PREP: variants seen among roughly 807,000 people sequenced by gnomAD.
PREP encodes prolyl endopeptidase.
PREP carries 29 observed loss-of-function variants against 87.6 expected under a neutral mutation model. That is an observed-to-expected ratio of 0.33 (90% CI 0.25 to 0.45). The LOEUF (loss-of-function observed/expected upper bound fraction) is 0.45. Ranked by LOEUF, PREP falls within the 20% of genes least tolerant of loss-of-function variation. PREP has a pLI of 1.00. For missense variants in PREP, 695 were observed against 886.5 expected (o/e 0.78, Z 2.74); for synonymous variants, 337 against 328.6 (o/e 1.03, Z -0.28).
At chr6:105,356,013 G>T (rs959848006) in intron 6 of PREP, among the ~76,000 whole-genome samples, 1 of 151,952 alleles carries the variant, frequency 6.6e-6, no homozygotes, top group African/African-American at 2.4e-5. Flanking sequence ...GTCCTTATAT[G>T]TTAATTCTAC....
At chr6:105,395,158 A>C (rs890960117) in intron 2 of PREP, among the ~76,000 whole-genome samples, 1 of 152,184 alleles carries the variant, frequency 6.6e-6, no homozygotes, top group African/African-American at 2.4e-5. Context: ...AATTATTACA[A>C]TTTAAAAAAT....
In PREP at chr6:105,274,502, A is replaced by G. The variant is rs1583029205; in HGVS notation, c.*3642T>C. 1.3e-5 allele frequency among the ~76,000 whole-genome samples: 2 copies of G among 152,204 alleles called. No individual in the cohort carries two copies. The highest frequency in any genetic ancestry group is 2.9e-5 in the Non-Finnish European group (2 of 68,032). On this transcript the variant is annotated 3_prime_UTR_variant, in exon 15 of 15. Transcript: ENST00000652536. ...CTGTTTCGGCTGGGCATGGTGGCTC[A>G]TGCCTGTAATCCCAGCATTTTGGGA...
chr6:105,387,368 G>A (rs1223765913), intron 2 of PREP, among the ~76,000 whole-genome samples: 4 of 152,180 alleles, frequency 2.6e-5, no homozygotes, highest in African/African-American at 7.2e-5. Flanking sequence ...CCAAAGCTGA[G>A]TAACTGCTTA....
At chr6:105,323,540 G>T (rs1321095435) in intron 10 of PREP, 125 bp downstream of exon 10, 12 of 860,692 alleles carry the variant, frequency 1.4e-5, no homozygotes, top group Non-Finnish European at 2.1e-5. Flanking sequence ...CGTCAACCGT[G>T]GGGGCTACAA....
At chr6:105,334,133 G>C (rs1771417388) in intron 7 of PREP, among the ~76,000 whole-genome samples, 1 of 152,204 alleles carries the variant, frequency 6.6e-6, no homozygotes, top group South Asian at 2.1e-4. Flanking sequence ...GATTTTCTCA[G>C]TATGGCAGCC....
intron 10 of PREP, among the ~76,000 whole-genome samples, chr6:105,299,238 G>C (rs1160527936): frequency 6.6e-6 from 1 of 152,222 alleles, no homozygotes; most frequent in African/African-American, 2.4e-5. Context: ...TGTCACTCCA[G>C]GCTGTCATCC....
At chr6:105,331,033 G>A (rs538750075) in intron 8 of PREP, among the ~76,000 whole-genome samples, 21 of 152,164 alleles carry the variant, frequency 1.4e-4, no homozygotes, top group Non-Finnish European at 2.9e-4. Context: ...TATTAACTAT[G>A]AGCACATCAG....
At chr6:105,324,186 GAC>G (rs1213351911) in intron 9 of PREP, among the ~76,000 whole-genome samples, 1 of 152,164 alleles carries the variant, frequency 6.6e-6, no homozygotes, top group East Asian at 1.9e-4. Flanking sequence ...GGAGGTGACT[GAC>G]AAAAAACTCA....
At chr6:105,369,801 G>A (rs894500518) in intron 5 of PREP, among the ~76,000 whole-genome samples, 12 of 151,768 alleles carry the variant, frequency 7.9e-5, no homozygotes, top group African/African-American at 2.9e-4. Context: ...AAAGAACTCA[G>A]CAATAAGAAA....
At chr6:105,362,880 C>G (rs1314107465) in intron 6 of PREP, among the ~76,000 whole-genome samples, 1 of 152,102 alleles carries the variant, frequency 6.6e-6, no homozygotes, top group Admixed American at 6.5e-5. Context: ...AGGCAGGGAC[C>G]CCCCACCAGG....
intron 7 of PREP, among the ~76,000 whole-genome samples, chr6:105,352,019 G>A (rs537489112): frequency 9.9e-5 from 15 of 152,254 alleles, no homozygotes; most frequent in South Asian, 2.1e-4. Context: ...AAAATGGCGC[G>A]ATGCTCAATC....
In PREP at chr6:105,399,069, T is replaced by C. The variant is rs577947576; in HGVS notation, c.46-1142A>G. Among the ~76,000 whole-genome samples, 223 of 151,890 alleles carry C rather than the reference T, an allele frequency of 1.5e-3. 1 individual carries two copies. Among genetic ancestry groups the C allele is most frequent in the African/African-American group, 5.1e-3 (210 of 41,416 alleles). On this transcript the variant is annotated intron_variant, in intron 1 of 14. Transcript: ENST00000652536. ...TTGCAGTGAGCTGAGACAACGCCTA[T>C]TGCACTCCAGCCCGGGCAACAGAGC...
At chr6:105,377,269 A>T in intron 3 of PREP, 117 bp downstream of exon 3, 1 of 1,189,950 alleles carries the variant, frequency 8.4e-7, no homozygotes, top group African/African-American at 1.5e-5. Context: ...CATAGAAATT[A>T]ATTCCTTATA....
chr6:105,288,512 T>C (rs1770234878), intron 11 of PREP, among the ~76,000 whole-genome samples: 1 of 152,098 alleles, frequency 6.6e-6, no homozygotes, highest in African/African-American at 2.4e-5. Flanking sequence ...CGCCACCACG[T>C]CCAGCTAATA....
chr6:105,390,152 G>A (rs1339179736), intron 2 of PREP, among the ~76,000 whole-genome samples: 1 of 152,104 alleles, frequency 6.6e-6, no homozygotes, highest in African/African-American at 2.4e-5. Context: ...TTCTTATCCT[G>A]CAATCCTGAA....
In PREP at chr6:105,310,614, C is replaced by G. The variant is rs1770741491; in HGVS notation, c.1317+13051G>C. ...TCTCTGTTGGTTCAGCTCTCACCTCCCTGGCTGCTGCTTCTCAGGCTCCTT... is the reference window on the plus strand; with the variant it reads ...TCTCTGTTGGTTCAGCTCTCACCTCGCTGGCTGCTGCTTCTCAGGCTCCTT... On this transcript the variant is annotated intron_variant, in intron 10 of 14. Coordinates refer to ENST00000652536, the MANE Select transcript of PREP (RefSeq NM_002726.5). 2.0e-5 allele frequency among the ~76,000 whole-genome samples: 3 copies of G among 152,150 alleles called. No homozygotes were observed. In the South Asian group the frequency reaches 6.2e-4, roughly 32 times the overall value.
rs1238879471 is a variant in PREP, at chr6:105,285,537, C to T, written c.1498G>A (p.Ala500Thr). 1 of 1,613,976 alleles carries T rather than the reference C, an allele frequency of 6.2e-7. No individual in the cohort carries two copies. The highest frequency in any genetic ancestry group is 8.5e-7 in the Non-Finnish European group (1 of 1,180,002). ...IFVRHMGGIL[A>T]VANIRGGGEY... is the part of the protein sequence containing the mutation. Reference sequence around the variant, plus strand: ...CCACCTCCTCTGATGTTGGCCACTGCCAGGATACCACCCATGTGTCTCACA... The same window carrying T: ...CCACCTCCTCTGATGTTGGCCACTGTCAGGATACCACCCATGTGTCTCACA... Residue 500 changes from alanine (A) to threonine (T), a missense_variant, in exon 12 of 15, where the codon GCA becomes ACA. Ala to Thr is a moderately conservative substitution (Grantham distance 58). Coordinates refer to ENST00000652536, the MANE Select transcript of PREP (RefSeq NM_002726.5).
At chr6:105,312,080 AAC>A (rs1770770726) in intron 10 of PREP, among the ~76,000 whole-genome samples, 1 of 152,246 alleles carries the variant, frequency 6.6e-6, no homozygotes. Flanking sequence ...TCCTAGGCAA[AAC>A]AGAAAACTTG....
intron 10 of PREP, chr6:105,322,111 TA>T: frequency 5.0e-6 from 1 of 199,230 alleles, no homozygotes; most frequent in Non-Finnish European, 9.0e-6. Context: ...AATGCCAGAC[TA>T]AAAGTGAACA....
Sources: allele counts gnomAD v4.1 joint callset (sites outside exome capture counted in the v4.1 genomes callset), GRCh38; gene constraint gnomAD v4.1.1; transcripts MANE v1.5; gene names NCBI Gene and HGNC (gene_info 2026-07-23, HGNC 2026-07-21).